Variants in B2M observed in about 807,000 individuals in gnomAD.
The protein encoded by B2M is beta-2-microglobulin, also known as beta chain of MHC class I molecules.
B2M carries 3 observed loss-of-function variants against 14.5 expected under a neutral mutation model. The observed-to-expected ratio is 0.21, with a 90% confidence interval of 0.09 to 0.53. B2M has a LOEUF of 0.53. B2M is among the 20% of genes least tolerant of loss of function. The pLI is 0.95. For synonymous variants in B2M, 45 were observed against 52.7 expected (o/e 0.85, Z 0.64); for missense variants, 107 against 140.8 (o/e 0.76, Z 1.21).
At position 44,716,371 on chromosome 15, in the gene B2M, T is replaced by A. The variant is rs1256992842; in HGVS notation, c.*14+15T>A. The A allele has an allele frequency of 1.0e-5, 16 of 1,604,064 alleles. No homozygotes were observed. The highest frequency in any genetic ancestry group is 1.4e-5 in the Non-Finnish European group (16 of 1,170,822). ...GCATCATGGAGGTAAGTTTTTGACC[T>A]TGAGAAAATGTTTTTGTTTCACTGT... On this transcript the variant is annotated intron_variant, in intron 3 of 3. Transcript: ENST00000648006.
At chr15:44,715,228 C>A in intron 1 of B2M, 195 bp from the exon 2 acceptor site, 1 of 659,250 alleles carries the variant, frequency 1.5e-6, no homozygotes, top group South Asian at 1.8e-5. Flanking sequence ...GGAAAGATAC[C>A]AAGTCACGGT....
rs532568026 is a variant in B2M, at chr15:44,717,716, A to G, written c.*124A>G. The stretch of plus-strand genomic sequence containing the variant: ...TTTATGCACAAAATGTAGGGTTATA[A>G]TAATGTTAACATGGACATGATCTTC... On this transcript the variant is annotated 3_prime_UTR_variant, in exon 4 of 4. Transcript: ENST00000648006. The G allele has an allele frequency of 6.6e-6, 1 of 152,268 alleles. No homozygotes were observed. Among genetic ancestry groups the G allele is most frequent in the Non-Finnish European group, 1.5e-5 (1 of 68,084 alleles). The allele number at this position is 152,268 out of a possible 1,614,324, so 9.4% of individuals were successfully genotyped here. A position where few individuals can be genotyped will look rare whatever the true frequency, so the allele number is the denominator to read the frequency against.
chr15:44,714,912 A>C, intron 1 of B2M: 2 of 146,954 alleles, frequency 1.4e-5, no homozygotes, highest in Non-Finnish European at 1.4e-5. Flanking sequence ...AGCAGGAACC[A>C]AAAAGAAAGG....
intron 1 of B2M, chr15:44,713,748 T>G (rs2086912666): frequency 6.6e-6 from 1 of 152,226 alleles, no homozygotes; most frequent in African/African-American, 2.4e-5. Flanking sequence ...GAAGCTCAGA[T>G]GCAAAGAGCT....
intron 1 of B2M, chr15:44,714,373 A>G (rs933773118): frequency 6.6e-6 from 1 of 152,160 alleles, no homozygotes; most frequent in Non-Finnish European, 1.5e-5. Flanking sequence ...TTTGTTTTTT[A>G]GCTCATGAAA....
intron 1 of B2M, chr15:44,713,066 C>A (rs1669855): frequency 6.6e-6 from 1 of 151,820 alleles, no homozygotes; most frequent in Non-Finnish European, 1.5e-5. Flanking sequence ...GTCAGGGGAG[C>A]TGTAAAACCA....
In B2M at chr15:44,716,132, T is replaced by C; in HGVS notation, c.347-197T>C. ...ATAATCCTGGACTTCTCCAGTACTTTCTGGCTGGATTGGTATCTGAGGCTA... is the reference window on the plus strand; with the variant it reads ...ATAATCCTGGACTTCTCCAGTACTTCCTGGCTGGATTGGTATCTGAGGCTA... On this transcript the variant is annotated intron_variant, in intron 2 of 3. Transcript: ENST00000648006. 3 of 649,300 alleles carry C rather than the reference T, an allele frequency of 4.6e-6. No homozygotes were observed. The Admixed American group carries it at 8.1e-5, about 18-fold the overall frequency. The allele number at this position is 649,300 out of a possible 1,614,324, so 40.2% of individuals were successfully genotyped here. A position where few individuals can be genotyped will look rare whatever the true frequency, so the allele number is the denominator to read the frequency against.
At chr15:44,712,505 C>T (rs1304971498) in intron 1 of B2M, among the ~76,000 whole-genome samples, 2 of 152,186 alleles carry the variant, frequency 1.3e-5, no homozygotes, top group African/African-American at 4.8e-5. Context: ...TCAAGCCTAA[C>T]CAGGGCTTTT....
intron 1 of B2M, chr15:44,713,007 A>G (rs897709039): frequency 5.3e-5 from 8 of 152,234 alleles, no homozygotes; most frequent in South Asian, 2.1e-4. Flanking sequence ...AAGAAAAAAA[A>G]AAAAAAAGAA....
Position 44,718,135 on chromosome 15 carries a change from A to G in B2M, c.*543A>G, listed in dbSNP as rs1276688345. ...TTTTGTTCCACAAGTTAAATAAATC[A>G]TAAAACTTGATGTGTTATCTCTTAT... On this transcript the variant is annotated 3_prime_UTR_variant, in exon 4 of 4. Transcript: ENST00000648006. 1.3e-5 allele frequency: 2 copies of G among 152,398 alleles called. No individual in the cohort carries two copies. Among genetic ancestry groups the G allele is most frequent in the Admixed American group, 6.5e-5 (1 of 15,310 alleles). 9.4% of individuals were successfully genotyped at this position (152,398 alleles called of 1,614,324 possible).
intron 1 of B2M, chr15:44,714,307 C>T (rs2086918028): frequency 6.6e-6 from 1 of 152,214 alleles, no homozygotes; most frequent in Non-Finnish European, 1.5e-5. Context: ...TTTATCGGGT[C>T]CAACTCAACC....
chr15:44,714,502 C>A (rs938461720), intron 1 of B2M: 3 of 152,038 alleles, frequency 2.0e-5, no homozygotes, highest in African/African-American at 7.3e-5. Flanking sequence ...TGCCTGTAAT[C>A]CCAACACTTT....
At chr15:44,713,152 G>A (rs1201085314) in intron 1 of B2M, 2 of 152,124 alleles carry the variant, frequency 1.3e-5, no homozygotes, top group Non-Finnish European at 2.9e-5. Flanking sequence ...TAAGTACCTG[G>A]CAATACACTA....
At chr15:44,713,666 TCAAA>T (rs1566876526) in intron 1 of B2M, 1 of 152,246 alleles carries the variant, frequency 6.6e-6, no homozygotes, top group East Asian at 1.9e-4. Context: ...CCGCCTTCCC[TCAAA>T]CAGAGAGTTC....
At chr15:44,711,677 C>T in intron 1 of B2M, 64 bp downstream of exon 1, 1 of 1,540,054 alleles carries the variant, frequency 6.5e-7, no homozygotes, top group Non-Finnish European at 8.9e-7. Flanking sequence ...CTGTGGCCCT[C>T]GCTGTGCTCT....
chr15:44,717,256 G>A (rs1344758311), intron 3 of B2M: 1 of 152,186 alleles, frequency 6.6e-6, no homozygotes, highest in Non-Finnish European at 1.5e-5. Context: ...AACCTGTACA[G>A]CCTGTTACTG....
intron 1 of B2M, chr15:44,712,940 A>G (rs1185856227): frequency 6.6e-6 from 1 of 151,350 alleles, no homozygotes; most frequent in Non-Finnish European, 1.5e-5. Flanking sequence ...CTTTTGAGCT[A>G]TCATGGCGCC....
intron 3 of B2M, chr15:44,717,321 A>G (rs992735602): frequency 7.1e-6 from 1 of 141,134 alleles, no homozygotes; most frequent in Non-Finnish European, 1.5e-5. Context: ...GTATCTAAAC[A>G]TAGAAGTTGC....
rs2086959144 is a variant in B2M, at chr15:44,717,690, C to A, written c.*98C>A. On this transcript the variant is annotated 3_prime_UTR_variant, in exon 4 of 4. Coordinates refer to ENST00000648006, the MANE Select transcript of B2M (RefSeq NM_004048.4). ...ATATTGATATGCTTATACACTTACA[C>A]TTTATGCACAAAATGTAGGGTTATA... The A allele has an allele frequency of 6.6e-6, 1 of 152,204 alleles. No individual in the cohort carries two copies. Among genetic ancestry groups the A allele is most frequent in the South Asian group, 2.1e-4 (1 of 4,826 alleles). The allele number at this position is 152,204 out of a possible 1,614,324, so 9.4% of individuals were successfully genotyped here.
Sources: gnomAD v4.1 joint callset for allele counts (sites outside exome capture counted in the v4.1 genomes callset) on GRCh38, gnomAD v4.1.1 for gene constraint, MANE v1.5 for transcripts, NCBI Gene and HGNC (gene_info 2026-07-23, HGNC 2026-07-21) for gene names.